The following CALN1 variants were observed in gnomAD, a reference collection of about 807,000 sequenced individuals.
The protein encoded by CALN1 is calcium-binding protein 8.
A neutral mutation model predicts 30.6 loss-of-function variants in CALN1; 17 were observed. The ratio of observed to expected loss-of-function variants is 0.56; its 90% CI spans 0.38 to 0.83. The LOEUF (loss-of-function observed/expected upper bound fraction) is 0.83. Ranked by LOEUF, CALN1 falls within the 40% of genes least tolerant of loss-of-function variation. CALN1 has a pLI of 0.00. For missense variants in CALN1, 291 were observed against 354.9 expected (o/e 0.82, Z 1.45); for synonymous variants, 156 against 131.4 (o/e 1.19, Z -1.28).
At chr7:71,966,759 G>A (rs530364841) in intron 5 of CALN1, among the ~76,000 whole-genome samples, 27 of 152,234 alleles carry the variant, frequency 1.8e-4, no homozygotes, top group African/African-American at 5.8e-4. Flanking sequence ...GGTTCTTAAC[G>A]TTTTGGGGAG....
intron 5 of CALN1, among the ~76,000 whole-genome samples, chr7:71,863,908 TG>T (rs1562851904): frequency 6.6e-6 from 1 of 152,224 alleles, no homozygotes; most frequent in Non-Finnish European, 1.5e-5. Flanking sequence ...AATTCTCCAC[TG>T]GATGTCTGTA....
chr7:71,919,658 A>G (rs1295089137), intron 5 of CALN1, among the ~76,000 whole-genome samples: 1 of 152,188 alleles, frequency 6.6e-6, no homozygotes, highest in Non-Finnish European at 1.5e-5. Context: ...AGTGTTAGTA[A>G]AAGAAGAACA....
chr7:72,191,433 C>T (rs1161756769), intron 3 of CALN1, among the ~76,000 whole-genome samples: 1 of 151,068 alleles, frequency 6.6e-6, no homozygotes, highest in Non-Finnish European at 1.5e-5. Flanking sequence ...GAAACCCCGT[C>T]TGTAGTAAAA....
chr7:72,303,190 A>C (rs1799414751), intron 2 of CALN1, among the ~76,000 whole-genome samples: 1 of 152,234 alleles, frequency 6.6e-6, no homozygotes, highest in South Asian at 2.1e-4. Flanking sequence ...AGAGAAAATG[A>C]GATCTAATTC....
intron 3 of CALN1, among the ~76,000 whole-genome samples, chr7:72,228,908 C>A (rs1364618255): frequency 6.6e-6 from 1 of 150,388 alleles, no homozygotes; most frequent in Non-Finnish European, 1.5e-5. Context: ...ACTACAGGCA[C>A]ATGCCACCAT....
At chr7:72,169,958 G>C (rs1788820581) in intron 3 of CALN1, among the ~76,000 whole-genome samples, 1 of 151,994 alleles carries the variant, frequency 6.6e-6, no homozygotes, top group African/African-American at 2.4e-5. Context: ...CTCCCGAAGT[G>C]CTGGGATTAC....
intron 3 of CALN1, among the ~76,000 whole-genome samples, chr7:72,184,612 T>C (rs1321004093): frequency 2.6e-5 from 4 of 152,114 alleles, no homozygotes; most frequent in Admixed American, 6.6e-5. Flanking sequence ...ACATATAGCA[T>C]TTATTGTAAA....
intron 4 of CALN1, among the ~76,000 whole-genome samples, chr7:72,071,344 C>T (rs375230913): frequency 9.8e-5 from 15 of 152,294 alleles, no homozygotes; most frequent in African/African-American, 3.6e-4. Flanking sequence ...GTATAAGCTC[C>T]ACCCCACCCC....
chr7:72,286,897 G>C (rs1300344030), intron 2 of CALN1, among the ~76,000 whole-genome samples: 1 of 152,144 alleles, frequency 6.6e-6, no homozygotes, highest in Non-Finnish European at 1.5e-5. Flanking sequence ...CTATGACACA[G>C]GAATGCAAAT....
chr7:72,054,944 A>G (rs1046567301), intron 4 of CALN1, among the ~76,000 whole-genome samples: 2 of 152,174 alleles, frequency 1.3e-5, no homozygotes, highest in African/African-American at 4.8e-5. Flanking sequence ...AGAGCTAGAG[A>G]CTGGGAGGTA....
chr7:71,907,293 C>G (rs748006950), intron 5 of CALN1, among the ~76,000 whole-genome samples: 2 of 150,246 alleles, frequency 1.3e-5, no homozygotes, highest in Non-Finnish European at 2.9e-5. Flanking sequence ...TGATGTGTTC[C>G]ATCGCAAGCG....
chr7:72,286,098 A>G (rs1280462890), intron 2 of CALN1, among the ~76,000 whole-genome samples: 3 of 152,342 alleles, frequency 2.0e-5, no homozygotes, highest in Middle Eastern at 3.4e-3. Context: ...TCAGTGGTGC[A>G]GCCTTGAAGT....
intron 5 of CALN1, among the ~76,000 whole-genome samples, chr7:71,998,418 C>G (rs969837277): frequency 6.6e-6 from 1 of 152,018 alleles, no homozygotes; most frequent in Non-Finnish European, 1.5e-5. Context: ...TATTAACAAC[C>G]TCTTGTACTC....
intron 5 of CALN1, among the ~76,000 whole-genome samples, chr7:72,002,885 T>C (rs1157506218): frequency 6.6e-6 from 1 of 152,180 alleles, no homozygotes; most frequent in African/African-American, 2.4e-5. Flanking sequence ...ATTACAGTTA[T>C]CAGGGACTGA....
intron 2 of CALN1, chr7:72,336,718 G>C: frequency 1.0e-6 from 1 of 985,430 alleles, no homozygotes; most frequent in South Asian, 4.7e-5. Context: ...TGCTGGGCCG[G>C]GGCTCCGCAG....
chr7:72,388,449 G>A (rs944327452), intron 2 of CALN1, among the ~76,000 whole-genome samples: 1 of 151,972 alleles, frequency 6.6e-6, no homozygotes, highest in Non-Finnish European at 1.5e-5. Context: ...GTACAAACCC[G>A]AGGAAATCTG....
chr7:72,289,627 A>G (rs1798334557), intron 2 of CALN1, among the ~76,000 whole-genome samples: 1 of 152,172 alleles, frequency 6.6e-6, no homozygotes, highest in African/African-American at 2.4e-5. Flanking sequence ...GCAGTATACC[A>G]GCATACCACC....
intron 5 of CALN1, among the ~76,000 whole-genome samples, chr7:71,830,456 T>C (rs1180762167): frequency 1.3e-5 from 2 of 152,182 alleles, no homozygotes; most frequent in African/African-American, 2.4e-5. Flanking sequence ...CAAGCAATTT[T>C]CCTGCCTCAG....
the CALN1 span, among the ~76,000 whole-genome samples, chr7:72,469,984 A>G: frequency 6.6e-6 from 1 of 152,144 alleles, no homozygotes; most frequent in Non-Finnish European, 1.5e-5. Flanking sequence ...GAGCCTGCAG[A>G]GCCAGTGTAG....
Sources: allele counts gnomAD v4.1 joint callset (sites outside exome capture counted in the v4.1 genomes callset), GRCh38; gene constraint gnomAD v4.1.1; transcripts MANE v1.5; gene names NCBI Gene and HGNC (gene_info 2026-07-23, HGNC 2026-07-21).